Variants in PCED1B observed in about 807,000 individuals in gnomAD.
The protein encoded by PCED1B is PC-esterase domain-containing protein 1B.
For missense variants in PCED1B, 573 were observed against 573.9 expected (o/e 1.00, Z 0.02); for synonymous variants, 251 against 246.1 (o/e 1.02, Z -0.19).
At chr12:47,199,738 G>A (rs1942709247) in intron 2 of PCED1B, among the ~76,000 whole-genome samples, 1 of 152,128 alleles carries the variant, frequency 6.6e-6, no homozygotes, top group Admixed American at 6.5e-5. Flanking sequence ...GTGGATCATA[G>A]ACTTAAATGT....
In PCED1B at chr12:47,235,127, G is replaced by A. The variant is rs1207489338; in HGVS notation, c.64G>A (p.Gly22Arg). Residue 22 changes from glycine to arginine, a missense_variant, in exon 4 of 4, where the codon GGG becomes AGG. Coordinates refer to ENST00000546455, the MANE Select transcript of PCED1B (RefSeq NM_138371.3). The stretch of plus-strand genomic sequence containing the variant: ...TCACAATAAGTTCGTGGTCATCCTG[G>A]GGGACTCTGTGCATAGGGCAGTATA... ...LLHNKFVVILGDSVHRAVYKD... is the reference protein window; with the variant it reads ...LLHNKFVVILRDSVHRAVYKD... The A allele has an allele frequency of 1.3e-6, 2 of 1,543,116 alleles. No individual in the cohort carries two copies. The highest frequency in any genetic ancestry group is 2.0e-5 in the Admixed American group (1 of 49,540).
At chr12:47,184,024 T>A (rs1211790767) in intron 2 of PCED1B, among the ~76,000 whole-genome samples, 1 of 152,178 alleles carries the variant, frequency 6.6e-6, no homozygotes, top group African/African-American at 2.4e-5. Context: ...ATAGAGAGAA[T>A]ATTTTTCTTT....
At chr12:47,107,002 C>T (rs1387778465) in intron 2 of PCED1B, among the ~76,000 whole-genome samples, 1 of 152,142 alleles carries the variant, frequency 6.6e-6, no homozygotes, top group Non-Finnish European at 1.5e-5. Context: ...TCCTGCAGAT[C>T]GTCCCCTACC....
rs1565622058 is a variant in PCED1B at position 47,236,234 on chromosome 12, C to T, written c.1171C>T (p.Arg391Trp). 2.5e-6 allele frequency: 4 copies of T among 1,614,130 alleles called. No homozygotes were observed. The highest frequency in any genetic ancestry group is 1.7e-5 in the Admixed American group (1 of 60,016). The stretch of plus-strand genomic sequence containing the variant: ...CTTCTTCCCCACACCCCGTTATCAG[C>T]GGCCTGCCCCAGTGGTACATAGGGG... ...MPFFPTPRYQ[R>W]PAPVVHRGFG... Residue 391 changes from arginine to tryptophan, a missense_variant, in exon 4 of 4, where the codon CGG becomes TGG. By Grantham distance (101) the Arg-to-Trp change is moderately radical (BLOSUM62 -3). Coordinates refer to ENST00000546455, the MANE Select transcript of PCED1B (RefSeq NM_138371.3).
At chr12:47,219,164 C>T (rs1157545589) in intron 3 of PCED1B, among the ~76,000 whole-genome samples, 1 of 151,896 alleles carries the variant, frequency 6.6e-6, no homozygotes, top group Non-Finnish European at 1.5e-5. Context: ...AAAAAAGTTT[C>T]TTTTTCCATA....
chr12:47,223,466 G>A (rs2137848592), intron 3 of PCED1B: 1 of 152,282 alleles, frequency 6.6e-6, no homozygotes, highest in East Asian at 1.9e-4. Context: ...GCCTTGGAGT[G>A]GAGGCAAAAG....
intron 2 of PCED1B, among the ~76,000 whole-genome samples, chr12:47,145,475 G>A (rs553769587): frequency 4.1e-4 from 62 of 152,316 alleles, no homozygotes; most frequent in African/African-American, 1.2e-3. Context: ...AGAAAATCCC[G>A]TCTAGGACTT....
intron 2 of PCED1B, among the ~76,000 whole-genome samples, chr12:47,125,785 T>C (rs886555573): frequency 6.6e-6 from 1 of 152,102 alleles, no homozygotes; most frequent in African/African-American, 2.4e-5. Flanking sequence ...AATTATGTTT[T>C]TAATTTTAAT....
intron 3 of PCED1B, among the ~76,000 whole-genome samples, chr12:47,222,618 G>A (rs902920886): frequency 6.6e-6 from 1 of 152,006 alleles, no homozygotes; most frequent in African/African-American, 2.4e-5. Flanking sequence ...GAAATGTGGC[G>A]GTGTCATGCT....
chr12:47,201,814 G>C (rs1055940525), intron 2 of PCED1B, among the ~76,000 whole-genome samples: 1 of 152,040 alleles, frequency 6.6e-6, no homozygotes, highest in Non-Finnish European at 1.5e-5. Flanking sequence ...TGCCCAGGCT[G>C]GTCTTGAACT....
chr12:47,120,571 G>A (rs1433519413), intron 2 of PCED1B, among the ~76,000 whole-genome samples: 2 of 152,138 alleles, frequency 1.3e-5, no homozygotes, highest in African/African-American at 4.8e-5. Context: ...GGAGGCTGAG[G>A]TGGGAGGATC....
At chr12:47,140,189 G>C (rs1303386753) in intron 2 of PCED1B, among the ~76,000 whole-genome samples, 1 of 152,072 alleles carries the variant, frequency 6.6e-6, no homozygotes, top group Non-Finnish European at 1.5e-5. Flanking sequence ...TTTTAATAAT[G>C]GGTTGATGCT....
intron 2 of PCED1B, among the ~76,000 whole-genome samples, chr12:47,208,003 A>G (rs973022537): frequency 1.3e-5 from 2 of 151,982 alleles, no homozygotes; most frequent in Admixed American, 1.3e-4. Context: ...GGGCTAACAC[A>G]GCTCTCTGAA....
rs73284480 is a variant in PCED1B, at chr12:47,082,099, C to T, written c.-609+2374C>T. Among the ~76,000 whole-genome samples the T allele has an allele frequency of 3.8e-3, 571 of 152,014 alleles. 3 individuals are homozygous for T. Among genetic ancestry groups the T allele is most frequent in the African/African-American group, 0.013 (547 of 41,284 alleles). On this transcript the variant is annotated intron_variant, in intron 1 of 3. Coordinates refer to ENST00000546455, the MANE Select transcript of PCED1B (RefSeq NM_138371.3). ...TAAGAGTTGATCTTAAGGTATAAGA[C>T]GTGACCTTATTTTGTGGAGGATAAC...
At chr12:47,210,281 ACAAT>A (rs1481185736) in intron 2 of PCED1B, 3 of 152,368 alleles carry the variant, frequency 2.0e-5, no homozygotes, top group Non-Finnish European at 2.9e-5. Flanking sequence ...GAAAATAACC[ACAAT>A]CAGAGTCTTC....
rs12318386 is a variant in PCED1B at position 47,108,342 on chromosome 12, C to T, written c.-526+4147C>T. On this transcript the variant is annotated intron_variant, in intron 2 of 3. Coordinates refer to ENST00000546455, the MANE Select transcript of PCED1B (RefSeq NM_138371.3). ...ACACAAGGACCTAAACATACTGGCT[C>T]AGCTATCTAAATGGCAATGACAGTT... 2.6e-3 allele frequency among the ~76,000 whole-genome samples: 394 copies of T among 152,254 alleles called. 2 individuals carry two copies. The highest frequency in any genetic ancestry group is 9.0e-3 in the African/African-American group (372 of 41,540).
chr12:47,120,956 A>T (rs116688052), intron 2 of PCED1B, among the ~76,000 whole-genome samples: 2,680 of 152,278 alleles, frequency 0.018, 74 homozygotes, highest in African/African-American at 0.059. Flanking sequence ...ATCTATAAAG[A>T]CAGAAGGTAG....
intron 3 of PCED1B, among the ~76,000 whole-genome samples, chr12:47,222,116 TA>T (rs63691461): frequency 0.07 from 8,244 of 118,562 alleles, 281 homozygotes; most frequent in African/African-American, 0.14. Context: ...AAAAAAAAAT[TA>T]AAAAAAAAAA....
chr12:47,216,164 C>A (rs1943255196), intron 2 of PCED1B, 58 bp from the exon 3 acceptor site: 1 of 152,224 alleles, frequency 6.6e-6, no homozygotes, highest in Non-Finnish European at 1.5e-5. Context: ...GTTCTTCTTA[C>A]CATTTCCCTG....
Sources: gnomAD v4.1 joint callset for allele counts (sites outside exome capture counted in the v4.1 genomes callset) on GRCh38, gnomAD v4.1.1 for gene constraint, MANE v1.5 for transcripts, NCBI Gene and HGNC (gene_info 2026-07-23, HGNC 2026-07-21) for gene names.